The following GALNT2 variants were observed in gnomAD, a reference collection of about 807,000 sequenced individuals.
The protein encoded by GALNT2 is UDP-GalNAc:polypeptide N-acetylgalactosaminyltransferase 2.
GALNT2 carries 31 observed loss-of-function variants against 81.4 expected under a neutral mutation model. The observed-to-expected ratio is 0.38, with a 90% CI of 0.29 to 0.51. The LOEUF (loss-of-function observed/expected upper bound fraction) is 0.51. GALNT2 is among the 20% of genes least tolerant of loss of function. The pLI, the probability that GALNT2 is intolerant of heterozygous loss-of-function variation, is 0.87. For synonymous variants in GALNT2, 303 were observed against 287.4 expected, an observed-to-expected ratio of 1.05 and a Z score of -0.55; for missense variants, 629 against 765.7, an observed-to-expected ratio of 0.82 and a Z score of 2.11.
intron 15 of GALNT2, among the ~76,000 whole-genome samples, chr1:230,278,515 G>A (rs1406252851): frequency 6.6e-6 from 1 of 152,066 alleles, no homozygotes; most frequent in Non-Finnish European, 1.5e-5. Context: ...TTAGTTGGTG[G>A]GTAACGGGTA....
Position 230,281,291 on chromosome 1 carries a change from C to G in GALNT2, c.*1833C>G, listed in dbSNP as rs1189053563. 1.3e-5 allele frequency: 2 copies of G among 152,384 alleles called. No individual in the cohort carries two copies. Among genetic ancestry groups the G allele is most frequent in the Admixed American group, 1.3e-4 (2 of 15,276 alleles). The allele number at this position is 152,384 out of a possible 1,614,324, so 9.4% of individuals were successfully genotyped here. ...AGGTCTTCTCTTCCCGCCTCCCCTG[C>G]CATGCAACCAGATGTGTTGTGAGTG... On this transcript the variant is annotated 3_prime_UTR_variant, in exon 16 of 16. Coordinates refer to ENST00000366672, the MANE Select transcript of GALNT2 (RefSeq NM_004481.5).
At position 230,268,079 on chromosome 1, in the gene GALNT2, T is replaced by G. The variant is rs534472096; in HGVS notation, c.1440+2712T>G. 1.4e-4 allele frequency among the ~76,000 whole-genome samples: 22 copies of G among 152,254 alleles called. No individual in the cohort carries two copies. The South Asian group carries it at 4.6e-3, about 32-fold the overall frequency. ...AGCAGTGAGCTTGGGGAGAGATGTT[T>G]TATGTGTTTCCATCTAGAACCATAG... is the stretch of plus-strand genomic sequence containing the variant. On this transcript the variant is annotated intron_variant, in intron 14 of 15. Coordinates refer to ENST00000366672, the MANE Select transcript of GALNT2 (RefSeq NM_004481.5).
At chr1:230,228,218 A>G (rs4846937) in intron 3 of GALNT2, among the ~76,000 whole-genome samples, 43,775 of 152,144 alleles carry the variant, frequency 0.29, 6,371 homozygotes, top group African/African-American at 0.35. Context: ...TTGTAGAAAT[A>G]TTAATTTCCT....
At chr1:230,077,568 C>T (rs1209379902) in intron 1 of GALNT2, among the ~76,000 whole-genome samples, 1 of 152,148 alleles carries the variant, frequency 6.6e-6, no homozygotes, top group Non-Finnish European at 1.5e-5. Context: ...TTCCATATAT[C>T]ACTCTCGGGC....
intron 1 of GALNT2, among the ~76,000 whole-genome samples, chr1:230,128,634 G>A (rs1332535699): frequency 2.2e-5 from 3 of 136,792 alleles, no homozygotes; most frequent in Non-Finnish European, 4.7e-5. Context: ...GGCGGGGGTG[G>A]TTGGGGGGAG....
intron 3 of GALNT2, among the ~76,000 whole-genome samples, chr1:230,228,982 ATATAACCTGT>A (rs1664795573): frequency 6.6e-6 from 1 of 152,252 alleles, no homozygotes; most frequent in Admixed American, 6.5e-5. Context: ...TATGAAGGAT[ATATAACCTGT>A]TATAACCTGT....
At chr1:230,191,892 CG>C (rs1663538830) in intron 2 of GALNT2, among the ~76,000 whole-genome samples, 1 of 152,230 alleles carries the variant, frequency 6.6e-6, no homozygotes, top group Non-Finnish European at 1.5e-5. Context: ...CCTTTTGAAA[CG>C]GGGGGCTCCC....
chr1:230,210,450 C>T (rs2102713067), intron 3 of GALNT2, among the ~76,000 whole-genome samples: 1 of 152,298 alleles, frequency 6.6e-6, no homozygotes, highest in Admixed American at 6.5e-5. Flanking sequence ...TTTTCTCTGC[C>T]TTGCCACCAC....
At chr1:230,192,570 G>A (rs1003394310) in intron 2 of GALNT2, among the ~76,000 whole-genome samples, 18 of 152,162 alleles carry the variant, frequency 1.2e-4, no homozygotes, top group Admixed American at 3.9e-4. Context: ...AACATATAAC[G>A]AAAAATGAAG....
rs1415329316 is a variant in GALNT2 at position 230,136,920 on chromosome 1, T to C, written c.127-41298T>C. ...TCCCGCAGTTCAGCCGGGACTCTGC[T>C]TCACGGATGCTTTCACCTCACGGAC... On this transcript the variant is annotated intron_variant, in intron 1 of 15. Coordinates refer to ENST00000366672, the MANE Select transcript of GALNT2 (RefSeq NM_004481.5). 3.3e-5 allele frequency among the ~76,000 whole-genome samples: 5 copies of C among 152,348 alleles called. No homozygotes were observed. In the East Asian group the frequency reaches 7.7e-4, roughly 24 times the overall value.
intron 1 of GALNT2, among the ~76,000 whole-genome samples, chr1:230,145,182 C>T (rs890853065): frequency 3.3e-5 from 5 of 152,152 alleles, no homozygotes; most frequent in African/African-American, 1.2e-4. Context: ...GTCCTTGGCA[C>T]CCCCTCCCCA....
At chr1:230,203,859 C>T (rs929073459) in intron 3 of GALNT2, among the ~76,000 whole-genome samples, 2 of 152,170 alleles carry the variant, frequency 1.3e-5, no homozygotes, top group Non-Finnish European at 2.9e-5. Context: ...GGGTCTCCCT[C>T]TATCACCCAG....
At chr1:230,212,221 C>T (rs1398293165) in intron 3 of GALNT2, among the ~76,000 whole-genome samples, 4 of 152,144 alleles carry the variant, frequency 2.6e-5, no homozygotes, top group Non-Finnish European at 5.9e-5. Flanking sequence ...TTCTGTCTAA[C>T]AGTTGTGGCT....
chr1:230,190,054 G>A (rs1354285091), intron 2 of GALNT2, among the ~76,000 whole-genome samples: 2 of 152,190 alleles, frequency 1.3e-5, no homozygotes, highest in South Asian at 4.1e-4. Context: ...CGAAGTCTAC[G>A]TAGTTCTTCA....
At chr1:230,102,339 G>C (rs1256691416) in intron 1 of GALNT2, among the ~76,000 whole-genome samples, 2 of 152,162 alleles carry the variant, frequency 1.3e-5, no homozygotes, top group South Asian at 4.1e-4. Flanking sequence ...TGTGAATCAG[G>C]AATAGAGCAA....
intron 2 of GALNT2, among the ~76,000 whole-genome samples, chr1:230,199,501 A>G (rs1411887788): frequency 6.6e-6 from 1 of 152,188 alleles, no homozygotes; most frequent in Non-Finnish European, 1.5e-5. Context: ...ACAAAAATAG[A>G]ATAGATCTGT....
At chr1:230,134,475 G>A (rs1213624958) in intron 1 of GALNT2, among the ~76,000 whole-genome samples, 1 of 152,108 alleles carries the variant, frequency 6.6e-6, no homozygotes, top group Non-Finnish European at 1.5e-5. Flanking sequence ...CTAACCAGTT[G>A]TTCAGGTGAG....
intron 10 of GALNT2, among the ~76,000 whole-genome samples, chr1:230,252,153 G>A (rs185487358): frequency 4.6e-5 from 7 of 152,284 alleles, no homozygotes; most frequent in Admixed American, 1.3e-4. Flanking sequence ...AGGCCATGCC[G>A]TGAGCCTTTC....
At chr1:230,150,107 C>G (rs1475914126) in intron 1 of GALNT2, among the ~76,000 whole-genome samples, 1 of 152,212 alleles carries the variant, frequency 6.6e-6, no homozygotes, top group Non-Finnish European at 1.5e-5. Flanking sequence ...AGGCAGAGAC[C>G]TAGGAGGGTG....
Sources: allele counts gnomAD v4.1 joint callset (sites outside exome capture counted in the v4.1 genomes callset), GRCh38; gene constraint gnomAD v4.1.1; transcripts MANE v1.5; gene names NCBI Gene and HGNC (gene_info 2026-07-23, HGNC 2026-07-21).